STRIP1: variants seen among roughly 807,000 people sequenced by gnomAD.
STRIP1 encodes striatin interacting protein 1.
STRIP1 carries 63 observed loss-of-function variants against 106.2 expected under a neutral mutation model. The observed-to-expected ratio is 0.59, with a 90% CI of 0.48 to 0.73. The LOEUF (loss-of-function observed/expected upper bound fraction) is 0.73. Among genes scored for constraint, STRIP1 ranks in the 30% least tolerant of loss-of-function variants. The pLI is 0.00. For synonymous variants in STRIP1, 390 were observed against 413.0 expected (o/e 0.94, Z 0.67); for missense variants, 857 against 1,074.8 (o/e 0.80, Z 2.83).
intron 18 of STRIP1, 34 bp from the exon 19 acceptor site, chr1:110,050,922 A>G: frequency 1.6e-6 from 2 of 1,250,512 alleles, no homozygotes; most frequent in Non-Finnish European, 1.2e-6. Flanking sequence ...CACTGCAGCC[A>G]TGAGGGCTGA....
intron 8 of STRIP1, 120 bp downstream of exon 8, chr1:110,041,981 T>C (rs968004223): frequency 1.7e-6 from 2 of 1,211,104 alleles, no homozygotes; most frequent in Non-Finnish European, 2.3e-6. Flanking sequence ...GTAAAAAAAA[T>C]TATTTAAAAA....
intron 18 of STRIP1, 72 bp from the exon 19 acceptor site, chr1:110,050,884 G>C: frequency 1.1e-6 from 1 of 881,734 alleles, no homozygotes; most frequent in Non-Finnish European, 1.9e-6. Context: ...GAGATCATGT[G>C]TGAGGGACTT....
rs113002951 is a variant in STRIP1, at chr1:110,046,896, A to C, written c.1488+145A>C. On this transcript the variant is annotated intron_variant, in intron 13 of 20. Transcript: ENST00000369795. Reference sequence around the variant, plus strand: ...GAAACCCCGTCTCTACTAAAAAAAAAAAAATTAGCCAGCCGTGGTGGCGGG... The same window carrying C: ...GAAACCCCGTCTCTACTAAAAAAAACAAAATTAGCCAGCCGTGGTGGCGGG... The C allele has an allele frequency of 8.3e-3, 4,668 of 560,170 alleles. 94 individuals are homozygous for C. The highest frequency in any genetic ancestry group is 0.053 in the African/African-American group (2,789 of 52,360). 34.7% of individuals were successfully genotyped at this position (560,170 alleles called of 1,614,324 possible). A position where few individuals can be genotyped will look rare whatever the true frequency, so the allele number is the denominator to read the frequency against.
intron 1 of STRIP1, 110 bp from the exon 2 acceptor site, chr1:110,037,779 CAT>C: frequency 1.4e-6 from 1 of 711,936 alleles, no homozygotes; most frequent in Non-Finnish European, 2.4e-6. Context: ...TGTGAAAAAA[CAT>C]AAAAAAGTGG....
In STRIP1 at chr1:110,044,863, T is replaced by A; in HGVS notation, c.1310T>A (p.Leu437His). The A allele has an allele frequency of 6.2e-7, 1 of 1,614,252 alleles. No individual in the cohort carries two copies. The highest frequency in any genetic ancestry group is 1.1e-5 in the South Asian group (1 of 91,086). Residue 437 changes from leucine (L) to histidine (H), a missense_variant, in exon 11 of 21, where the codon CTT becomes CAT. Leu to His is a moderately conservative substitution (Grantham distance 99). Transcript: ENST00000369795. ...AGAGAGAAAGACATTGAGATGTTCC[T>A]TGAGTCCAGCCGCAGCAAATTTATA... ...KVREKDIEMF[L>H]ESSRSKFIGY...
At chr1:110,040,601 G>T in intron 5 of STRIP1, 34 bp from the exon 6 acceptor site, 1 of 1,591,880 alleles carries the variant, frequency 6.3e-7, no homozygotes, top group Non-Finnish European at 8.6e-7. Context: ...CTTCCTTCTT[G>T]GAGGAAGATG....
At chr1:110,034,610 G>C (rs1361365877), upstream of STRIP1, 1 of 1,484,576 alleles carries the variant, frequency 6.7e-7, no homozygotes, top group Non-Finnish European at 8.9e-7. Flanking sequence ...CTGTGCGCGA[G>C]TTAAGCTGGG....
In STRIP1 at chr1:110,053,750, C is replaced by T; in HGVS notation, c.2352C>T (p.Asp784=). ...AACGCTTCAACGCCCGGCGCTATGA[C>T]CGGGCCCACAGCAACCCTGACTTCC... is the stretch of plus-strand genomic sequence containing the variant. ...NIERFNARRY[D]RAHSNPDFLP... is the part of the protein sequence containing the mutation. Residue 784 remains aspartate (D), a synonymous_variant, in exon 21 of 21, where the codon GAC becomes GAT. Coordinates refer to ENST00000369795, the MANE Select transcript of STRIP1 (RefSeq NM_033088.4). The T allele has an allele frequency of 6.2e-7, 1 of 1,614,114 alleles. No individual in the cohort carries two copies. Among genetic ancestry groups the T allele is most frequent in the Non-Finnish European group, 8.5e-7 (1 of 1,180,042 alleles).
intron 10 of STRIP1, 143 bp from the exon 11 acceptor site, chr1:110,044,697 C>T: frequency 1.3e-6 from 1 of 792,274 alleles, no homozygotes; most frequent in Non-Finnish European, 1.9e-6. Flanking sequence ...AGTTTTTTCC[C>T]TTTTTTCAAA....
intron 12 of STRIP1, among the ~76,000 whole-genome samples, chr1:110,046,222 A>G (rs1043073976): frequency 5.9e-5 from 9 of 152,138 alleles, no homozygotes; most frequent in African/African-American, 2.2e-4. Flanking sequence ...TTTTGGGGCC[A>G]GGCATGGTGG....
intron 5 of STRIP1, among the ~76,000 whole-genome samples, chr1:110,040,173 GT>G (rs767268210): frequency 5.3e-5 from 8 of 151,644 alleles, no homozygotes; most frequent in African/African-American, 1.9e-4. Flanking sequence ...TTGTTTTTGT[GT>G]TTTTTTTGTT....
chr1:110,050,875 A>G, intron 18 of STRIP1, 81 bp from the exon 19 acceptor site: 1 of 821,528 alleles, frequency 1.2e-6, no homozygotes, highest in East Asian at 2.4e-5. Context: ...GGCTGTCCTG[A>G]GATCATGTGT....
At position 110,037,979 on chromosome 1, in the gene STRIP1, T is replaced by G. The variant is rs757149485; in HGVS notation, c.250+19T>G. 1.3e-6 allele frequency: 2 copies of G among 1,573,970 alleles called. No homozygotes were observed. Among genetic ancestry groups the G allele is most frequent in the Non-Finnish European group, 1.7e-6 (2 of 1,148,532 alleles). On this transcript the variant is annotated intron_variant, in intron 2 of 20. Coordinates refer to ENST00000369795, the MANE Select transcript of STRIP1 (RefSeq NM_033088.4). ...CTCTCGGGTAACGCACAGACCTTTG[T>G]GTTATTTGGGGGTGGTTTTTTCCTT...
intron 5 of STRIP1, 78 bp downstream of exon 5, chr1:110,039,593 C>T (rs1652660005): frequency 6.7e-7 from 1 of 1,498,376 alleles, no homozygotes; most frequent in African/African-American, 1.4e-5. Flanking sequence ...AACTAACTGG[C>T]TTTGAGAGGG....
upstream of STRIP1, among the ~76,000 whole-genome samples, chr1:110,033,659 G>A (rs1037661319): frequency 6.6e-6 from 1 of 152,118 alleles, no homozygotes. Context: ...GCCCTACCCT[G>A]ACGATTTTAT....
chr1:110,051,676 T>A lies in STRIP1; in HGVS notation c.2062-7T>A. On this transcript the variant is annotated splice_region_variant and splice_polypyrimidine_tract_variant and intron_variant, in intron 19 of 20. Coordinates refer to ENST00000369795, the MANE Select transcript of STRIP1 (RefSeq NM_033088.4). Reference sequence around the variant, plus strand: ...AACTTGGGCTGCTTGCTTGTTTCCCTTCCCAGATGCTGGTGGTGTTCAAGT... The same window carrying A: ...AACTTGGGCTGCTTGCTTGTTTCCCATCCCAGATGCTGGTGGTGTTCAAGT... The A allele has an allele frequency of 6.3e-7, 1 of 1,595,080 alleles. No homozygotes were observed. Among genetic ancestry groups the A allele is most frequent in the Middle Eastern group, 1.9e-4 (1 of 5,138 alleles).
chr1:110,046,687 A>G lies in STRIP1; in HGVS notation c.1424A>G (p.Tyr475Cys). ...ESIKTLKQHK[Y>C]TSIAEVQAQM... ...TCCCATCTCTCCCACCAGCACAAGT[A>G]CACGTCGATTGCAGAGGTCCAGGCA... Residue 475 changes from tyrosine to cysteine, a missense_variant, in exon 13 of 21, where the codon TAC (tyrosine) becomes TGC (cysteine). Coordinates refer to ENST00000369795, the MANE Select transcript of STRIP1 (RefSeq NM_033088.4). The G allele has an allele frequency of 6.2e-7, 1 of 1,613,420 alleles. No individual in the cohort carries two copies. Among genetic ancestry groups the G allele is most frequent in the South Asian group, 1.1e-5 (1 of 91,064 alleles).
chr1:110,036,789 A>T (rs1271128353), intron 1 of STRIP1, among the ~76,000 whole-genome samples: 1 of 152,164 alleles, frequency 6.6e-6, no homozygotes, highest in Admixed American at 6.5e-5. Context: ...CTCTGAACAC[A>T]ACGTGGAGTT....
intron 8 of STRIP1, among the ~76,000 whole-genome samples, chr1:110,042,677 T>C (rs975945836): frequency 1.3e-5 from 2 of 152,230 alleles, no homozygotes; most frequent in Non-Finnish European, 2.9e-5. Context: ...GATGAAGCTT[T>C]TTTTCTTCTT....
Sources: allele counts gnomAD v4.1 joint callset (sites outside exome capture counted in the v4.1 genomes callset), GRCh38; gene constraint gnomAD v4.1.1; transcripts MANE v1.5; gene names NCBI Gene and HGNC (gene_info 2026-07-23, HGNC 2026-07-21).